LIPH: variants seen among roughly 807,000 people sequenced by gnomAD.
LIPH encodes the protein lipase member H.
Under a neutral mutation model 47.6 loss-of-function variants are expected in LIPH, and 32 were observed. That is an observed-to-expected ratio of 0.67 (90% CI 0.51 to 0.90). The LOEUF is 0.90. Ranked by LOEUF, LIPH falls within the 40% of genes least tolerant of loss-of-function variation. The probability of loss-of-function intolerance (pLI) is 0.00; values close to 1 mark genes in which losing one functional copy is unlikely to be tolerated. For missense variants in LIPH, 497 were observed against 541.4 expected, an observed-to-expected ratio of 0.92 and a Z score of 0.81; for synonymous variants, 190 against 195.6, an observed-to-expected ratio of 0.97 and a Z score of 0.24.
At chr3:185,508,908 A>G (rs779851826) in intron 9 of LIPH, 31 bp from the exon 10 acceptor site, 2 of 1,316,998 alleles carry the variant, frequency 1.5e-6, no homozygotes, top group Admixed American at 3.4e-5. Context: ...ATCCTTGTAA[A>G]TGAATTTATA....
chr3:185,519,156 G>C lies in LIPH; in HGVS notation c.872C>G (p.Ser291Cys). 6.2e-7 allele frequency: 1 copy of C among 1,614,072 alleles called. No individual in the cohort carries two copies. The highest frequency in any genetic ancestry group is 1.3e-5 in the African/African-American group (1 of 75,044). The change falls in exon 6 of 10, where the codon TCC becomes TGC. Residue 291 changes from serine to cysteine, a missense_variant. Coordinates refer to ENST00000296252, the MANE Select transcript of LIPH (RefSeq NM_139248.3). ...CVSCGTSQKE[S>C]CPLLGYYADN... The stretch of plus-strand genomic sequence containing the variant: ...GTTAGACTTACCCAGAAGGGGACAG[G>C]ACTCTTTTTGTGACGTGCCGCAGCT...
intron 1 of LIPH, among the ~76,000 whole-genome samples, chr3:185,536,734 G>T (rs1391963453): frequency 1.3e-5 from 2 of 151,954 alleles, no homozygotes; most frequent in African/African-American, 4.8e-5. Flanking sequence ...AAATTTACAC[G>T]TGGCTAGATG....
chr3:185,552,145 T>C (rs1003464105), intron 1 of LIPH, among the ~76,000 whole-genome samples: 2 of 151,912 alleles, frequency 1.3e-5, no homozygotes, highest in African/African-American at 2.4e-5. Context: ...GCATATTTGA[T>C]TGTTGTAAAT....
intron 5 of LIPH, among the ~76,000 whole-genome samples, chr3:185,523,310 T>C (rs981643248): frequency 1.3e-5 from 2 of 152,348 alleles, no homozygotes; most frequent in Admixed American, 1.3e-4. Context: ...AGTTATAATT[T>C]ATAATTTATA....
chr3:185,520,805 G>A (rs2148951117), intron 5 of LIPH, among the ~76,000 whole-genome samples: 1 of 151,462 alleles, frequency 6.6e-6, no homozygotes, highest in East Asian at 1.9e-4. Flanking sequence ...CCAGCATTGT[G>A]GCATTTAAAA....
chr3:185,514,496 T>C lies in LIPH; in HGVS notation c.1008A>G (p.Ile336Met), dbSNP rs150976315. The C allele has an allele frequency of 3.1e-4, 467 of 1,503,626 alleles. 7 individuals are homozygous for C. In the Middle Eastern group the frequency reaches 0.022, roughly 70 times the overall value. 93.1% of individuals were successfully genotyped at this position (1,503,626 alleles called of 1,614,324 possible). The change falls in exon 8 of 10, where the codon ATA (isoleucine) becomes ATG (methionine). Residue 336 changes from isoleucine (I) to methionine (M), a missense_variant. Physicochemically the swap from Ile to Met is conservative, Grantham distance 10. Coordinates refer to ENST00000296252, the MANE Select transcript of LIPH (RefSeq NM_139248.3). Reference protein sequence around the residue: ...FCMYHYFVDIITWNKNVRRGD... With the variant: ...FCMYHYFVDIMTWNKNVRRGD... ...CTCTTCTTACATTCTTGTTCCATGT[T>C]ATAATATCCACAAAGTAATGATACA... is the stretch of plus-strand genomic sequence containing the variant.
chr3:185,543,037 CG>C (rs901947917), intron 1 of LIPH, among the ~76,000 whole-genome samples: 2 of 151,918 alleles, frequency 1.3e-5, no homozygotes, highest in Admixed American at 1.3e-4. Flanking sequence ...GGCAAAACCC[CG>C]TCTCTACTAA....
chr3:185,527,468 A>G lies in LIPH; in HGVS notation c.628+16T>C, dbSNP rs1334139954. 6.4e-7 allele frequency: 1 copy of G among 1,574,272 alleles called. No individual in the cohort carries two copies. Among genetic ancestry groups the G allele is most frequent in the Non-Finnish European group, 8.7e-7 (1 of 1,144,416 alleles). ...AGCCTGGCGGTGTCACTGACCCACAAGGAAAGGAGCGTTACCATCAGTGTC... is the reference window on the plus strand; with the variant it reads ...AGCCTGGCGGTGTCACTGACCCACAGGGAAAGGAGCGTTACCATCAGTGTC... On this transcript the variant is annotated intron_variant, in intron 4 of 9. Coordinates refer to ENST00000296252, the MANE Select transcript of LIPH (RefSeq NM_139248.3).
chr3:185,519,373 A>G (rs1719831635), intron 5 of LIPH, 64 bp from the exon 6 acceptor site: 1 of 961,814 alleles, frequency 1.0e-6, no homozygotes, highest in African/African-American at 1.6e-5. Context: ...ACTATATCAC[A>G]TATTCTATAC....
chr3:185,514,346 G>C (rs1364299405), intron 8 of LIPH, 64 bp downstream of exon 8: 1 of 798,216 alleles, frequency 1.3e-6, no homozygotes. Context: ...AGGTGGATTT[G>C]TGATTTAATT....
chr3:185,532,485 C>T (rs936342829), intron 3 of LIPH, among the ~76,000 whole-genome samples: 6 of 148,698 alleles, frequency 4.0e-5, no homozygotes, highest in East Asian at 2.0e-4. Flanking sequence ...GGCAACACAG[C>T]GAGACCCTGT....
In LIPH at chr3:185,534,800, C is replaced by T. The variant is rs762974986; in HGVS notation, c.382G>A (p.Ala128Thr). The T allele has an allele frequency of 1.4e-5, 23 of 1,613,558 alleles. No individual in the cohort carries two copies. The South Asian group carries it at 2.4e-4, about 17-fold the overall frequency. The change falls in exon 2 of 10, where the codon GCC (alanine) becomes ACC (threonine). Residue 128 changes from alanine (A) to threonine (T), a missense_variant. Ala to Thr is a moderately conservative substitution (Grantham distance 58, BLOSUM62 0). Coordinates refer to ENST00000296252, the MANE Select transcript of LIPH (RefSeq NM_139248.3). ...THASSKTRKV[A>T]MVLKEFIDQM... is the part of the protein sequence containing the mutation. ...TCAATAAATTCCTTCAAGACCATGG[C>T]TACTTTTCTGGTCTTACTAGAGGCA...
intron 1 of LIPH, among the ~76,000 whole-genome samples, chr3:185,538,144 G>A (rs1720558396): frequency 6.6e-6 from 1 of 152,036 alleles, no homozygotes; most frequent in African/African-American, 2.4e-5. Context: ...TTTTTGTAAT[G>A]GTACTGTCCC....
At chr3:185,517,524 A>G (rs376628935) in intron 6 of LIPH, among the ~76,000 whole-genome samples, 9 of 152,198 alleles carry the variant, frequency 5.9e-5, no homozygotes, top group African/African-American at 2.2e-4. Context: ...CTAAAATAGC[A>G]TCACTCTTGA....
At chr3:185,542,306 T>G (rs999831294) in intron 1 of LIPH, among the ~76,000 whole-genome samples, 2 of 152,068 alleles carry the variant, frequency 1.3e-5, no homozygotes, top group African/African-American at 4.8e-5. Flanking sequence ...TTTTGCTTCC[T>G]GTGCTTTTTC....
intron 8 of LIPH, among the ~76,000 whole-genome samples, chr3:185,513,645 A>G (rs1008552990): frequency 1.3e-5 from 2 of 152,218 alleles, no homozygotes; most frequent in African/African-American, 2.4e-5. Flanking sequence ...TAGCAGCACT[A>G]GTCACAATAG....
At chr3:185,532,726 G>A (rs1054355562) in intron 3 of LIPH, among the ~76,000 whole-genome samples, 2 of 152,112 alleles carry the variant, frequency 1.3e-5, no homozygotes, top group Non-Finnish European at 2.9e-5. Context: ...GGAGGTGGAG[G>A]TTGCAGTGAC....
intron 1 of LIPH, among the ~76,000 whole-genome samples, chr3:185,544,802 G>A (rs1488030803): frequency 6.6e-6 from 1 of 152,128 alleles, no homozygotes; most frequent in Non-Finnish European, 1.5e-5. Flanking sequence ...GCCAAGAACA[G>A]GGCCTGGTTC....
At chr3:185,544,384 G>A (rs758695579) in intron 1 of LIPH, among the ~76,000 whole-genome samples, 42 of 148,804 alleles carry the variant, frequency 2.8e-4, no homozygotes, top group Non-Finnish European at 4.8e-4. Context: ...ATGGAGTTTC[G>A]CTCTTGTCAC....
Sources: gnomAD v4.1 joint callset for allele counts (sites outside exome capture counted in the v4.1 genomes callset) on GRCh38, gnomAD v4.1.1 for gene constraint, MANE v1.5 for transcripts, NCBI Gene and HGNC (gene_info 2026-07-23, HGNC 2026-07-21) for gene names.